TFG: variants seen among roughly 807,000 people sequenced by gnomAD.
The protein encoded by TFG is protein TFG.
A neutral mutation model predicts 51.4 loss-of-function variants in TFG; 22 were observed. The observed-to-expected ratio is 0.43, with a 90% CI of 0.31 to 0.61. The LOEUF (loss-of-function observed/expected upper bound fraction) is 0.61. TFG is among the 20% of genes least tolerant of loss of function. TFG has a pLI of 0.12. For synonymous variants in TFG, 187 were observed against 165.6 expected (o/e 1.13, Z -0.99); for missense variants, 419 against 487.7 (o/e 0.86, Z 1.33).
At chr3:100,733,592 A>G (rs550244435) in intron 5 of TFG, among the ~76,000 whole-genome samples, 319 of 152,194 alleles carry the variant, frequency 2.1e-3, no homozygotes, top group African/African-American at 7.3e-3. Context: ...GTCAGTTTCT[A>G]TTGACTGGGT....
intron 3 of TFG, among the ~76,000 whole-genome samples, chr3:100,725,092 G>C (rs1326022226): frequency 1.3e-5 from 2 of 151,966 alleles, no homozygotes; most frequent in East Asian, 3.9e-4. Context: ...ATTTTTAGTA[G>C]AGACGGGGTT....
intron 3 of TFG, among the ~76,000 whole-genome samples, chr3:100,723,841 T>C (rs1170626309): frequency 6.6e-6 from 1 of 152,066 alleles, no homozygotes. Flanking sequence ...GTTTTTTTTT[T>C]TTTCGAGTAC....
At chr3:100,715,670 A>G (rs1318382699) in intron 2 of TFG, among the ~76,000 whole-genome samples, 1 of 152,132 alleles carries the variant, frequency 6.6e-6, no homozygotes, top group Non-Finnish European at 1.5e-5. Flanking sequence ...TATGCTTATC[A>G]TACATTGATT....
At position 100,716,744 on chromosome 3, in the gene TFG, CTTG is replaced by C. The variant is rs1174741438; in HGVS notation, c.184+2880_184+2882del. ...AATAACCATCCTAACTGGGGTGAAC[CTTG>C]TTGTGGTCTTCATTTTCCTGATATG... On this transcript the variant is annotated intron_variant, in intron 2 of 7. Coordinates refer to ENST00000240851, the MANE Select transcript of TFG (RefSeq NM_006070.6). 4.6e-5 allele frequency among the ~76,000 whole-genome samples: 7 copies of C among 152,012 alleles called. No individual in the cohort carries two copies. The South Asian group carries it at 1.5e-3, about 32-fold the overall frequency.
chr3:100,729,732 A>T (rs1259882320), intron 4 of TFG, among the ~76,000 whole-genome samples: 1 of 152,144 alleles, frequency 6.6e-6, no homozygotes, highest in Non-Finnish European at 1.5e-5. Context: ...TTTTGTGGAT[A>T]AATGGTATGT....
In TFG at chr3:100,744,813, G is replaced by A. The variant is rs1383523243; in HGVS notation, c.722-20G>A. ...TTAAACATGCCTTTTTTCCTTGTGT[G>A]TGTGTGTGTGTGTTTTCAGGTCAGA... On this transcript the variant is annotated intron_variant, in intron 6 of 7. Transcript: ENST00000240851. 1.3e-6 allele frequency: 2 copies of A among 1,553,290 alleles called. No individual in the cohort carries two copies. The highest frequency in any genetic ancestry group is 1.8e-6 in the Non-Finnish European group (2 of 1,126,572).
Position 100,718,555 on chromosome 3 carries a change from T to G in TFG, c.185-1420T>G, listed in dbSNP as rs1339663349. ...TACAACTTTGTATTTCATGGTTTTT[T>G]TTTTTTTTTTTTTTTTTTTTGAGAC... On this transcript the variant is annotated intron_variant, in intron 2 of 7. Coordinates refer to ENST00000240851, the MANE Select transcript of TFG (RefSeq NM_006070.6). 2.4e-3 allele frequency among the ~76,000 whole-genome samples: 325 copies of G among 133,814 alleles called. 2 individuals are homozygous for G. Among genetic ancestry groups the G allele is most frequent in the Non-Finnish European group, 3.7e-3 (238 of 63,924 alleles). The allele number at this position is 133,814 out of a possible 152,430, so 87.8% of individuals were successfully genotyped here. A position where few individuals can be genotyped will look rare whatever the true frequency, so the allele number is the denominator to read the frequency against.
rs569855086 is a variant in TFG, at chr3:100,721,465, C to T, written c.268+1407C>T. Among the ~76,000 whole-genome samples, 93 of 152,278 alleles carry T rather than the reference C, an allele frequency of 6.1e-4. 1 individual carries two copies. Among genetic ancestry groups the T allele is most frequent in the African/African-American group, 2.1e-3 (87 of 41,556 alleles). On this transcript the variant is annotated intron_variant, in intron 3 of 7. Coordinates refer to ENST00000240851, the MANE Select transcript of TFG (RefSeq NM_006070.6). The stretch of plus-strand genomic sequence containing the variant: ...TTCAAAAAGAATATTTTAGAAAAGT[C>T]TACCTTGATACAGGGAAAGTCAAGG...
At chr3:100,713,906 TTAA>T in intron 2 of TFG, 37 bp downstream of exon 2, 1 of 1,272,450 alleles carries the variant, frequency 7.9e-7, no homozygotes, top group Non-Finnish European at 1.1e-6. Flanking sequence ...TAAAGTCTTT[TTAA>T]AAAAAAAAAA....
chr3:100,720,991 CA>C (rs1292823332), intron 3 of TFG, among the ~76,000 whole-genome samples: 3 of 151,816 alleles, frequency 2.0e-5, no homozygotes, highest in Non-Finnish European at 4.4e-5. Context: ...GAAATATGAT[CA>C]TGGTCTATTG....
At position 100,709,670 on chromosome 3, in the gene TFG, C is replaced by T. The variant is rs2095023571; in HGVS notation, c.-95C>T. ...CCCCAGTCCAGTGGCCTCGCGTCCGCCCATTCAGCGGAGACCTGCGGAGAG... is the reference window on the plus strand; with the variant it reads ...CCCCAGTCCAGTGGCCTCGCGTCCGTCCATTCAGCGGAGACCTGCGGAGAG... On this transcript the variant is annotated 5_prime_UTR_variant, in exon 1 of 8. Coordinates refer to ENST00000240851, the MANE Select transcript of TFG (RefSeq NM_006070.6). The T allele has an allele frequency of 6.6e-6, 1 of 151,356 alleles. No homozygotes were observed. Among genetic ancestry groups the T allele is most frequent in the South Asian group, 2.1e-4 (1 of 4,802 alleles). The allele number at this position is 151,356 out of a possible 1,614,324, so 9.4% of individuals were successfully genotyped here. A position where few individuals can be genotyped will look rare whatever the true frequency, so the allele number is the denominator to read the frequency against.
intron 6 of TFG, among the ~76,000 whole-genome samples, chr3:100,737,226 A>C (rs2095109077): frequency 6.6e-6 from 1 of 152,248 alleles, no homozygotes; most frequent in Non-Finnish European, 1.5e-5. Flanking sequence ...GTGTATTTTA[A>C]GTCAGACTTT....
rs144750357 is a variant in TFG at position 100,727,729 on chromosome 3, G to A, written c.269-983G>A. Among the ~76,000 whole-genome samples the A allele has an allele frequency of 6.8e-3, 1,032 of 152,246 alleles. 8 individuals are homozygous for A. Among genetic ancestry groups the A allele is most frequent in the African/African-American group, 0.023 (971 of 41,538 alleles). On this transcript the variant is annotated intron_variant, in intron 3 of 7. Coordinates refer to ENST00000240851, the MANE Select transcript of TFG (RefSeq NM_006070.6). Reference sequence around the variant, plus strand: ...TAAAAAATCACAACTAGAGATTACCGAGTAATCTCTGGCATTTTGTGGCTT... The same window carrying A: ...TAAAAAATCACAACTAGAGATTACCAAGTAATCTCTGGCATTTTGTGGCTT...
intron 3 of TFG, among the ~76,000 whole-genome samples, chr3:100,723,827 TAC>T (rs918443809): frequency 6.6e-6 from 1 of 151,320 alleles, no homozygotes; most frequent in African/African-American, 2.4e-5. Flanking sequence ...TAGGGAGAAA[TAC>T]AGTTTTTTTT....
chr3:100,718,403 T>G (rs1036515129), intron 2 of TFG, among the ~76,000 whole-genome samples: 11 of 152,160 alleles, frequency 7.2e-5, no homozygotes, highest in South Asian at 2.1e-4. Flanking sequence ...TCTCATCTTT[T>G]TTTTACAATG....
chr3:100,737,262 A>G (rs1188151693), intron 6 of TFG, among the ~76,000 whole-genome samples: 4 of 152,214 alleles, frequency 2.6e-5, no homozygotes, highest in Non-Finnish European at 5.9e-5. Flanking sequence ...CTGTCCTTGG[A>G]TATGCAGTTT....
At chr3:100,728,954 C>A in intron 4 of TFG, 96 bp downstream of exon 4, 1 of 1,070,956 alleles carries the variant, frequency 9.3e-7, no homozygotes, top group Non-Finnish European at 1.3e-6. Flanking sequence ...ATGGCATCCC[C>A]AATGTCACTC....
chr3:100,741,209 C>T (rs1186810231), intron 6 of TFG, among the ~76,000 whole-genome samples: 1 of 152,034 alleles, frequency 6.6e-6, no homozygotes. Flanking sequence ...CAGATAGGTC[C>T]TTCAGAAGGT....
At chr3:100,747,763 T>G (rs1201312794) in intron 7 of TFG, among the ~76,000 whole-genome samples, 2 of 152,214 alleles carry the variant, frequency 1.3e-5, no homozygotes, top group African/African-American at 2.4e-5. Context: ...AAAATGTTCA[T>G]TCTCCGCAAT....
Sources: gnomAD v4.1 joint callset for allele counts (sites outside exome capture counted in the v4.1 genomes callset) on GRCh38, gnomAD v4.1.1 for gene constraint, MANE v1.5 for transcripts, NCBI Gene and HGNC (gene_info 2026-07-23, HGNC 2026-07-21) for gene names.